The following MLXIP variants were observed in gnomAD, a reference collection of about 807,000 sequenced individuals.
The protein encoded by MLXIP is MLX-interacting protein.
A neutral mutation model predicts 87.2 loss-of-function variants in MLXIP; 30 were observed. The observed-to-expected ratio is 0.34, with a 90% confidence interval of 0.26 to 0.47. The LOEUF (loss-of-function observed/expected upper bound fraction) is 0.47, where lower values mean the gene tolerates loss of function less well. MLXIP is among the 20% of genes least tolerant of loss of function. MLXIP has a pLI of 1.00. For missense variants in MLXIP, 1,002 were observed against 1,240.1 expected (o/e 0.81, Z 2.88); for synonymous variants, 530 against 514.0 (o/e 1.03, Z -0.42).
chr12:122,125,473 C>T (rs926885311), intron 1 of MLXIP, among the ~76,000 whole-genome samples: 5 of 152,150 alleles, frequency 3.3e-5, no homozygotes, highest in Admixed American at 6.6e-5. Context: ...TTACTGTACC[C>T]AAATGTGCTT....
At chr12:122,138,095 C>T in intron 12 of MLXIP, 99 bp from the exon 13 acceptor site, 1 of 1,052,366 alleles carries the variant, frequency 9.5e-7, no homozygotes, top group African/African-American at 1.6e-5. Context: ...GCTCTCTAGC[C>T]CTGGCCCTTG....
In MLXIP at chr12:122,144,716, T is replaced by C. The variant is rs1268530384; in HGVS notation, c.*2904T>C. The C allele has an allele frequency of 1.3e-5, 2 of 152,052 alleles. No individual in the cohort carries two copies. Among genetic ancestry groups the C allele is most frequent in the Non-Finnish European group, 2.9e-5 (2 of 68,014 alleles). The allele number at this position is 152,052 out of a possible 1,614,324, so 9.4% of individuals were successfully genotyped here. A position where few individuals can be genotyped will look rare whatever the true frequency, so the allele number is the denominator to read the frequency against. ...GCCTGACCAACATGGTGAAACCCTG[T>C]CTATACTAAAAATACAAAACATTAG... On this transcript the variant is annotated 3_prime_UTR_variant, in exon 17 of 17. Transcript: ENST00000319080.
At chr12:122,099,876 TG>T (rs1334443951) in intron 1 of MLXIP, among the ~76,000 whole-genome samples, 1 of 151,966 alleles carries the variant, frequency 6.6e-6, no homozygotes, top group Non-Finnish European at 1.5e-5. Context: ...CATGGAAAGG[TG>T]TTTGTAGTGA....
chr12:122,141,579 G>C, intron 16 of MLXIP, 112 bp from the exon 17 acceptor site: 1 of 1,496,810 alleles, frequency 6.7e-7, no homozygotes, highest in Non-Finnish European at 8.9e-7. Context: ...CAGCATGGCT[G>C]CTGCTCGCCC....
chr12:122,090,743 A>C (rs1952234336), intron 1 of MLXIP, among the ~76,000 whole-genome samples: 1 of 152,194 alleles, frequency 6.6e-6, no homozygotes, highest in South Asian at 2.1e-4. Flanking sequence ...ACATTGATCT[A>C]CCTGAAGCTA....
intron 1 of MLXIP, among the ~76,000 whole-genome samples, chr12:122,125,323 C>T (rs2135965937): frequency 8.3e-6 from 1 of 120,730 alleles, no homozygotes; most frequent in South Asian, 2.9e-4. Flanking sequence ...CAGAGCGAGA[C>T]TCCATCTCAA....
chr12:122,104,405 C>T lies in MLXIP; in HGVS notation c.414-22851C>T, dbSNP rs550128719. Among the ~76,000 whole-genome samples, 9 of 152,230 alleles carry T rather than the reference C, an allele frequency of 5.9e-5. No homozygotes were observed. In the East Asian group the frequency reaches 1.2e-3, roughly 20 times the overall value. On this transcript the variant is annotated intron_variant, in intron 1 of 16. Coordinates refer to ENST00000319080, the MANE Select transcript of MLXIP (RefSeq NM_014938.6). Reference sequence around the variant, plus strand: ...TCAGACAGTTTGTATCCTTGTGTCTCGCTTCCTTTGTTCGGCATGTTTTTA... The same window carrying T: ...TCAGACAGTTTGTATCCTTGTGTCTTGCTTCCTTTGTTCGGCATGTTTTTA...
chr12:122,104,258 C>T (rs1170125370), intron 1 of MLXIP, among the ~76,000 whole-genome samples: 2 of 152,170 alleles, frequency 1.3e-5, no homozygotes, highest in African/African-American at 2.4e-5. Context: ...AATCAATATA[C>T]AGAACATTTC....
chr12:122,125,551 G>A (rs1304677635), intron 1 of MLXIP, among the ~76,000 whole-genome samples: 1 of 152,224 alleles, frequency 6.6e-6, no homozygotes, highest in African/African-American at 2.4e-5. Context: ...GGGCACTGCT[G>A]TGGTAGGCAG....
At chr12:122,082,458 C>T (rs1475928613) in intron 1 of MLXIP, among the ~76,000 whole-genome samples, 4 of 152,196 alleles carry the variant, frequency 2.6e-5, no homozygotes, top group Non-Finnish European at 4.4e-5. Context: ...TGAGGATCAG[C>T]AGAGATAACC....
Position 122,133,284 on chromosome 12 carries a change from G to A in MLXIP, c.1093-64G>A, listed in dbSNP as rs1953012809. ...CCTGTGTAGTTGGACTTGGCAGTGTGCAGCGCTAGAAAGGAATTGTCTGAC... is the reference window on the plus strand; with the variant it reads ...CCTGTGTAGTTGGACTTGGCAGTGTACAGCGCTAGAAAGGAATTGTCTGAC... On this transcript the variant is annotated intron_variant, in intron 8 of 16. Transcript: ENST00000319080. This position sits in a 1 kb window ranked among gnomAD's most constrained non-coding sequence, Gnocchi z 4.9. The A allele has an allele frequency of 2.7e-6, 4 of 1,502,578 alleles. No homozygotes were observed. In the South Asian group the frequency reaches 5.3e-5, roughly 20 times the overall value. The allele number at this position is 1,502,578 out of a possible 1,614,324, so 93.1% of individuals were successfully genotyped here. A position where few individuals can be genotyped will look rare whatever the true frequency, so the allele number is the denominator to read the frequency against.
At chr12:122,109,384 A>T (rs59061515) in intron 1 of MLXIP, among the ~76,000 whole-genome samples, 2 of 152,256 alleles carry the variant, frequency 1.3e-5, no homozygotes, top group African/African-American at 2.4e-5. Context: ...TTGTATTCTT[A>T]GTAGTGATGG....
In MLXIP at chr12:122,134,013, CG is replaced by C. The variant is rs1565985565; in HGVS notation, c.1732+30del. 3.2e-6 allele frequency: 5 copies of C among 1,569,568 alleles called. No homozygotes were observed. In the African/African-American group the frequency reaches 4.1e-5, roughly 13 times the overall value. On this transcript the variant is annotated intron_variant, in intron 9 of 16. Coordinates refer to ENST00000319080, the MANE Select transcript of MLXIP (RefSeq NM_014938.6). ...GTGAGCCAGGCGGGGAGACTCAGTGCGGGGCTCCCCCCGACCCAGAGGGATG... is the reference window on the plus strand; with the variant it reads ...GTGAGCCAGGCGGGGAGACTCAGTGCGGGCTCCCCCCGACCCAGAGGGATG...
In MLXIP at chr12:122,130,088, G is replaced by T. The variant is rs749205587; in HGVS notation, c.886G>T (p.Ala296Ser). ...FSTLSSHQPV[A>S]WPNPREIAHL... is the part of the protein sequence containing the mutation. ...CACACTTTCTTCACACCAGCCGGTGGCCTGGCCCAATCCCCGGGAAATAGG... is the reference window on the plus strand; with the variant it reads ...CACACTTTCTTCACACCAGCCGGTGTCCTGGCCCAATCCCCGGGAAATAGG... Residue 296 changes from alanine to serine, a missense_variant, in exon 6 of 17, where the codon GCC becomes TCC. By Grantham distance (99) the Ala-to-Ser change is moderately conservative. This residue lies in a region of MLXIP where 746 missense variants were observed against 897.0 expected (regional missense o/e 0.83). Coordinates refer to ENST00000319080, the MANE Select transcript of MLXIP (RefSeq NM_014938.6). 14 of 1,613,752 alleles carry T rather than the reference G, an allele frequency of 8.7e-6. No individual in the cohort carries two copies. Among genetic ancestry groups the T allele is most frequent in the Middle Eastern group, 1.6e-4 (1 of 6,084 alleles).
chr12:122,135,025 C>T lies in MLXIP; in HGVS notation c.1733-199C>T. ...ACAACCTACAGTGTGAAAACATGGT[C>T]CTGGCCATCTCTTTCCTGGGTCTAT... is the stretch of plus-strand genomic sequence containing the variant. On this transcript the variant is annotated intron_variant, in intron 9 of 16. Transcript: ENST00000319080. The surrounding 1 kb of genome is among the most constrained non-coding windows in gnomAD (Gnocchi z 5.3). The T allele has an allele frequency of 1.6e-6, 1 of 611,552 alleles. No homozygotes were observed. Among genetic ancestry groups the T allele is most frequent in the Middle Eastern group, 2.6e-4 (1 of 3,840 alleles). The allele number at this position is 611,552 out of a possible 1,614,324, so 37.9% of individuals were successfully genotyped here.
intron 1 of MLXIP, among the ~76,000 whole-genome samples, chr12:122,118,237 A>G: frequency 6.7e-6 from 1 of 150,336 alleles, no homozygotes; most frequent in East Asian, 2.0e-4. Flanking sequence ...TGCTATTCCA[A>G]ATGGTGCACG....
intron 1 of MLXIP, among the ~76,000 whole-genome samples, chr12:122,085,127 G>A (rs1330441458): frequency 1.3e-5 from 2 of 152,016 alleles, no homozygotes; most frequent in Admixed American, 6.6e-5. Context: ...GAAGGTGGAT[G>A]CCTCGGTCCA....
intron 1 of MLXIP, among the ~76,000 whole-genome samples, chr12:122,109,913 A>G (rs1048142162): frequency 6.6e-6 from 1 of 152,196 alleles, no homozygotes; most frequent in Admixed American, 6.5e-5. Flanking sequence ...TCTTCCTCAA[A>G]TAAGCCAGAA....
rs982003069 is a variant in MLXIP, at chr12:122,130,841, C to T, written c.911-3C>T. On this transcript the variant is annotated splice_polypyrimidine_tract_variant and splice_region_variant and intron_variant, in intron 6 of 16. Coordinates refer to ENST00000319080, the MANE Select transcript of MLXIP (RefSeq NM_014938.6). ...ATGGTTCCTCTCTCTGTGATTCTTGCAGCACATCTGGGAAATGCAGACATG... is the reference window on the plus strand; with the variant it reads ...ATGGTTCCTCTCTCTGTGATTCTTGTAGCACATCTGGGAAATGCAGACATG... 2.5e-6 allele frequency: 4 copies of T among 1,609,310 alleles called. No individual in the cohort carries two copies. The highest frequency in any genetic ancestry group is 2.2e-5 in the South Asian group (2 of 90,960).
Sources: allele counts gnomAD v4.1 joint callset (sites outside exome capture counted in the v4.1 genomes callset), GRCh38; gene constraint gnomAD v4.1.1; regional missense constraint gnomAD v4.1.1; non-coding constraint Gnocchi (gnomAD v3.1); transcripts MANE v1.5; gene names NCBI Gene and HGNC (gene_info 2026-07-23, HGNC 2026-07-21).